The following SLC39A11 variants were observed in gnomAD, a reference collection of about 807,000 sequenced individuals.
The protein encoded by SLC39A11 is zinc transporter ZIP11.
A neutral mutation model predicts 36.1 loss-of-function variants in SLC39A11; 33 were observed. The ratio of observed to expected loss-of-function variants is 0.91; its 90% CI spans 0.69 to 1.22. SLC39A11 has a LOEUF of 1.22. SLC39A11 is among the 50% of genes most tolerant of loss of function. The probability of loss-of-function intolerance (pLI) is 0.00; values close to 1 mark genes in which losing one functional copy is unlikely to be tolerated. For missense variants in SLC39A11, 432 were observed against 430.3 expected (o/e 1.00, Z -0.03); for synonymous variants, 166 against 170.3 (o/e 0.97, Z 0.20).
chr17:73,007,734 G>C (rs2090263835), intron 4 of SLC39A11, among the ~76,000 whole-genome samples: 1 of 152,130 alleles, frequency 6.6e-6, no homozygotes, highest in Non-Finnish European at 1.5e-5. Context: ...AAGCTAAAGG[G>C]AAAAAGAGGA....
intron 6 of SLC39A11, among the ~76,000 whole-genome samples, chr17:72,785,686 G>A (rs1301850392): frequency 1.3e-5 from 2 of 152,162 alleles, no homozygotes; most frequent in Admixed American, 6.5e-5. Context: ...GGCCACCACC[G>A]GGAGGGTGGA....
At chr17:72,844,564 G>C (rs780877073) in intron 6 of SLC39A11, among the ~76,000 whole-genome samples, 9 of 152,206 alleles carry the variant, frequency 5.9e-5, no homozygotes, top group African/African-American at 9.7e-5. Flanking sequence ...AACCACTTGA[G>C]AGGCCGAGGC....
At chr17:72,680,572 G>A (rs4563077) in intron 7 of SLC39A11, among the ~76,000 whole-genome samples, 52,814 of 151,984 alleles carry the variant, frequency 0.35, 9,347 homozygotes, top group Non-Finnish European at 0.37. Flanking sequence ...TTTGCCTTCC[G>A]CCATGATTGT....
chr17:72,970,151 G>C (rs1040672020), intron 4 of SLC39A11, among the ~76,000 whole-genome samples: 1 of 152,222 alleles, frequency 6.6e-6, no homozygotes, highest in Admixed American at 6.5e-5. Flanking sequence ...TAAGTCTGGA[G>C]AAAAATCATC....
chr17:72,959,311 A>G (rs73347583), intron 4 of SLC39A11, among the ~76,000 whole-genome samples: 4,567 of 92,492 alleles, frequency 0.049, 514 homozygotes, highest in African/African-American at 0.18. Flanking sequence ...TGGTGTATGT[A>G]TGTGTGTGTG....
chr17:72,924,560 A>C (rs2083917853), intron 5 of SLC39A11, among the ~76,000 whole-genome samples: 1 of 152,182 alleles, frequency 6.6e-6, no homozygotes, highest in African/African-American at 2.4e-5. Context: ...AGGGGACCTA[A>C]AACAACTTTT....
At chr17:73,035,200 G>A (rs2058864380) in intron 3 of SLC39A11, among the ~76,000 whole-genome samples, 1 of 152,220 alleles carries the variant, frequency 6.6e-6, no homozygotes, top group Admixed American at 6.5e-5. Context: ...CTGGAGTACA[G>A]CAGCGTGACC....
chr17:72,908,079 C>T (rs1194999728), intron 5 of SLC39A11, among the ~76,000 whole-genome samples: 1 of 152,164 alleles, frequency 6.6e-6, no homozygotes, highest in Non-Finnish European at 1.5e-5. Context: ...CTGAATGTCC[C>T]TTTATTCTGC....
intron 4 of SLC39A11, among the ~76,000 whole-genome samples, chr17:73,000,285 C>T (rs1290645822): frequency 1.3e-5 from 2 of 150,812 alleles, no homozygotes; most frequent in Non-Finnish European, 3.0e-5. Flanking sequence ...TCTCCCCTCT[C>T]TCTCTGCCTT....
At chr17:72,773,086 C>CAAAAAAG (rs1238828219) in intron 6 of SLC39A11, among the ~76,000 whole-genome samples, 4 of 151,192 alleles carry the variant, frequency 2.6e-5, no homozygotes, top group Admixed American at 6.6e-5. Context: ...AACTCCGTCT[C>CAAAAAAG]AAAAAAGAAA....
intron 4 of SLC39A11, among the ~76,000 whole-genome samples, chr17:73,022,787 C>T (rs1273512689): frequency 6.6e-6 from 1 of 152,030 alleles, no homozygotes; most frequent in African/African-American, 2.4e-5. Flanking sequence ...CTTCCAGTTG[C>T]CCCTGGGAAT....
intron 4 of SLC39A11, among the ~76,000 whole-genome samples, chr17:73,022,969 T>C (rs2058403067): frequency 6.6e-6 from 1 of 152,070 alleles, no homozygotes; most frequent in Non-Finnish European, 1.5e-5. Flanking sequence ...TTCTGAACAA[T>C]AAGCTTTCTC....
rs2077735859 is a variant in SLC39A11, at chr17:72,820,514, G to A, written c.601+29120C>T. Among the ~76,000 whole-genome samples the A allele has an allele frequency of 3.3e-5, 5 of 150,984 alleles. No homozygotes were observed. In the South Asian group the frequency reaches 1.1e-3, roughly 32 times the overall value. ...TCAACAGGAGCACCCTCTCTCTCCT[G>A]CCACCGCGGATCTATTACATGGCAC... On this transcript the variant is annotated intron_variant, in intron 6 of 9. Coordinates refer to ENST00000255559, the MANE Select transcript of SLC39A11 (RefSeq NM_139177.4).
chr17:72,717,307 G>A (rs1429106841), intron 7 of SLC39A11, among the ~76,000 whole-genome samples: 2 of 152,066 alleles, frequency 1.3e-5, no homozygotes, highest in African/African-American at 2.4e-5. Context: ...AGGGAGACCC[G>A]ATGCCCTGGT....
chr17:72,859,097 C>G (rs1052851875), intron 5 of SLC39A11, among the ~76,000 whole-genome samples: 2 of 152,186 alleles, frequency 1.3e-5, no homozygotes, highest in African/African-American at 4.8e-5. Flanking sequence ...ATTGCTTCCA[C>G]CTTTTCCCCA....
intron 5 of SLC39A11, among the ~76,000 whole-genome samples, chr17:72,910,848 A>T (rs1380397886): frequency 6.7e-6 from 1 of 150,114 alleles, no homozygotes; most frequent in Non-Finnish European, 1.5e-5. Flanking sequence ...AGTCACGTGA[A>T]CCCAGAAGGC....
chr17:72,900,655 G>A (rs1001539834), intron 5 of SLC39A11, among the ~76,000 whole-genome samples: 18 of 151,654 alleles, frequency 1.2e-4, no homozygotes, highest in Middle Eastern at 3.5e-3. Context: ...GGATTTGTGA[G>A]GGGGGCAGGC....
At chr17:72,931,191 A>C (rs1323125269) in intron 5 of SLC39A11, among the ~76,000 whole-genome samples, 1 of 152,200 alleles carries the variant, frequency 6.6e-6, no homozygotes, top group Non-Finnish European at 1.5e-5. Context: ...GAGAGCTGCA[A>C]AGGAGTGAGT....
intron 7 of SLC39A11, among the ~76,000 whole-genome samples, chr17:72,686,182 TTTG>T (rs1238185655): frequency 6.6e-6 from 1 of 152,206 alleles, no homozygotes; most frequent in Non-Finnish European, 1.5e-5. Context: ...ACATCTGTTC[TTTG>T]TTGTTCTGCA....
Sources: gnomAD v4.1 joint callset for allele counts (sites outside exome capture counted in the v4.1 genomes callset) on GRCh38, gnomAD v4.1.1 for gene constraint, MANE v1.5 for transcripts, NCBI Gene and HGNC (gene_info 2026-07-23, HGNC 2026-07-21) for gene names.